Variants in CTNNA3 observed in about 807,000 individuals in gnomAD.
CTNNA3 encodes the protein catenin alpha-3.
CTNNA3 carries 76 observed loss-of-function variants against 95.7 expected under a neutral mutation model. The ratio of observed to expected loss-of-function variants is 0.79; its 90% CI spans 0.66 to 0.96. The LOEUF (loss-of-function observed/expected upper bound fraction) is 0.96. CTNNA3 is among the 40% of genes least tolerant of loss of function. The probability of loss-of-function intolerance (pLI) is 0.00; values close to 1 mark genes in which losing one functional copy is unlikely to be tolerated. For synonymous variants in CTNNA3, 431 were observed against 374.4 expected, an observed-to-expected ratio of 1.15 and a Z score of -1.74; for missense variants, 1,191 against 1,089.8, an observed-to-expected ratio of 1.09 and a Z score of -1.31.
chr10:66,732,687 ACTCCCACTGGGTCC>A (rs1170441789), intron 9 of CTNNA3, among the ~76,000 whole-genome samples: 2 of 152,070 alleles, frequency 1.3e-5, no homozygotes, highest in African/African-American at 4.8e-5. Flanking sequence ...GATTCAATTA[ACTCCCACTGGGTCC>A]CTCCCATGAC....
chr10:65,963,843 T>C (rs2077904020), intron 17 of CTNNA3, among the ~76,000 whole-genome samples: 2 of 152,194 alleles, frequency 1.3e-5, no homozygotes, highest in Admixed American at 1.3e-4. Flanking sequence ...AATTAAATGG[T>C]GTATTATAAG....
intron 3 of CTNNA3, among the ~76,000 whole-genome samples, chr10:67,547,725 T>C (rs1485817144): frequency 1.3e-5 from 2 of 152,210 alleles, no homozygotes. Context: ...CATAAAAATT[T>C]AGTGAAGATA....
intron 5 of CTNNA3, among the ~76,000 whole-genome samples, chr10:67,240,381 T>C (rs1349269213): frequency 2.6e-5 from 4 of 152,176 alleles, no homozygotes; most frequent in African/African-American, 7.2e-5. Context: ...TTTAATGTTC[T>C]TGGCCAACTT....
intron 3 of CTNNA3, among the ~76,000 whole-genome samples, chr10:67,540,979 C>A (rs1240002984): frequency 1.3e-5 from 2 of 151,538 alleles, no homozygotes; most frequent in Non-Finnish European, 2.9e-5. Flanking sequence ...AAATAATAAA[C>A]CTACTATTTT....
chr10:67,750,911 A>G (rs1400332604), intron 1 of CTNNA3: 2 of 1,610,138 alleles, frequency 1.2e-6, no homozygotes, highest in Non-Finnish European at 1.7e-6. Context: ...ATTATGGCCT[A>G]CAGCCCCCTA....
chr10:66,970,648 T>C lies in CTNNA3; in HGVS notation c.1048-195124A>G, dbSNP rs114926788. On this transcript the variant is annotated intron_variant, in intron 7 of 17. Coordinates refer to ENST00000433211, the MANE Select transcript of CTNNA3 (RefSeq NM_013266.4). ...TGTGACCTCAAATATCCATGAAATA[T>C]AACCAGAAAATCTGCATCTACATAA... Among the ~76,000 whole-genome samples, 477 of 152,250 alleles carry C rather than the reference T, an allele frequency of 3.1e-3. 4 individuals are homozygous for C. The highest frequency in any genetic ancestry group is 0.011 in the African/African-American group (460 of 41,542).
intron 9 of CTNNA3, among the ~76,000 whole-genome samples, chr10:66,704,200 A>G (rs1281347753): frequency 3.3e-5 from 5 of 152,064 alleles, no homozygotes; most frequent in Non-Finnish European, 5.9e-5. Context: ...ATAAAACTTC[A>G]ACAGTTTATC....
At chr10:67,157,780 G>A (rs1448432538) in intron 7 of CTNNA3, among the ~76,000 whole-genome samples, 1 of 152,134 alleles carries the variant, frequency 6.6e-6, no homozygotes, top group Non-Finnish European at 1.5e-5. Context: ...AGTGCCTACA[G>A]AGCCAGTTCC....
chr10:66,183,998 G>A (rs192357893), intron 13 of CTNNA3, among the ~76,000 whole-genome samples: 1 of 151,896 alleles, frequency 6.6e-6, no homozygotes, highest in Admixed American at 6.6e-5. Context: ...TTTATAACTT[G>A]TATTTTGTGT....
Position 67,136,322 on chromosome 10 carries a change from T to C in CTNNA3, c.1047+43995A>G, listed in dbSNP as rs554602436. On this transcript the variant is annotated intron_variant, in intron 7 of 17. Coordinates refer to ENST00000433211, the MANE Select transcript of CTNNA3 (RefSeq NM_013266.4). ...TGTGTGCTTCCAAAGCTATAAATCC[T>C]AAAAAGCAGAGAGTGTTGCTGCTAC... is the stretch of plus-strand genomic sequence containing the variant. Among the ~76,000 whole-genome samples, 163 of 152,232 alleles carry C rather than the reference T, an allele frequency of 1.1e-3. 3 individuals carry two copies. The highest frequency in any genetic ancestry group is 3.6e-3 in the African/African-American group (151 of 41,576).
intron 13 of CTNNA3, among the ~76,000 whole-genome samples, chr10:66,190,454 A>G (rs1412958741): frequency 6.6e-6 from 1 of 152,148 alleles, no homozygotes; most frequent in East Asian, 1.9e-4. Flanking sequence ...ATAGAGTGCC[A>G]TTGACATCAG....
At chr10:66,168,294 C>T (rs969243619) in intron 13 of CTNNA3, among the ~76,000 whole-genome samples, 1 of 152,078 alleles carries the variant, frequency 6.6e-6, no homozygotes, top group African/African-American at 2.4e-5. Flanking sequence ...GCAGGCAATG[C>T]CACCGTTTCT....
intron 9 of CTNNA3, among the ~76,000 whole-genome samples, chr10:66,699,920 G>T (rs1847888729): frequency 6.6e-6 from 1 of 152,120 alleles, no homozygotes; most frequent in East Asian, 1.9e-4. Flanking sequence ...GCCTCCCAAA[G>T]TGCTGGGATT....
chr10:67,627,658 T>A (rs1423681582), intron 2 of CTNNA3, among the ~76,000 whole-genome samples: 4 of 152,194 alleles, frequency 2.6e-5, no homozygotes, highest in Non-Finnish European at 5.9e-5. Context: ...AATTTTGACA[T>A]CTTGTTCTTA....
intron 2 of CTNNA3, among the ~76,000 whole-genome samples, chr10:67,621,475 C>T (rs1343944081): frequency 1.3e-5 from 2 of 152,082 alleles, no homozygotes; most frequent in Admixed American, 6.6e-5. Context: ...CTAGGCCAGG[C>T]GCAGTGGCTC....
At chr10:66,265,621 C>A (rs1198649301) in intron 13 of CTNNA3, among the ~76,000 whole-genome samples, 1 of 151,984 alleles carries the variant, frequency 6.6e-6, no homozygotes, top group African/African-American at 2.4e-5. Context: ...ACAAGCAATT[C>A]CAAATTTTAG....
chr10:66,807,188 C>T (rs1031025480), intron 7 of CTNNA3, among the ~76,000 whole-genome samples: 1 of 151,960 alleles, frequency 6.6e-6, no homozygotes, highest in Non-Finnish European at 1.5e-5. Flanking sequence ...GAAAAATTAC[C>T]TACTTGTTAA....
At chr10:66,752,902 C>G (rs140412463) in intron 9 of CTNNA3, among the ~76,000 whole-genome samples, 2 of 151,908 alleles carry the variant, frequency 1.3e-5, no homozygotes, top group Admixed American at 6.6e-5. Flanking sequence ...TATTTAAATG[C>G]TAATCTGCCA....
intron 11 of CTNNA3, among the ~76,000 whole-genome samples, chr10:66,423,665 T>G (rs1336805759): frequency 1.3e-5 from 2 of 152,076 alleles, no homozygotes; most frequent in African/African-American, 4.8e-5. Flanking sequence ...TCAGAGACAT[T>G]ACAACCCCAC....
Sources: gnomAD v4.1 joint callset for allele counts (sites outside exome capture counted in the v4.1 genomes callset) on GRCh38, gnomAD v4.1.1 for gene constraint, MANE v1.5 for transcripts, NCBI Gene and HGNC (gene_info 2026-07-23, HGNC 2026-07-21) for gene names.